PIBF1: variants seen among roughly 807,000 people sequenced by gnomAD.
The protein encoded by PIBF1 is progesterone immunomodulatory binding factor 1.
PIBF1 carries 90 observed loss-of-function variants against 112.5 expected under a neutral mutation model. The observed-to-expected ratio is 0.80, with a 90% confidence interval of 0.67 to 0.95. PIBF1 has a LOEUF of 0.95. PIBF1 is among the 40% of genes least tolerant of loss of function. The pLI is 0.00. For missense variants in PIBF1, 915 were observed against 852.3 expected (o/e 1.07, Z -0.92); for synonymous variants, 301 against 288.6 (o/e 1.04, Z -0.44).
intron 10 of PIBF1, among the ~76,000 whole-genome samples, chr13:72,859,054 T>G (rs113030509): frequency 4.6e-5 from 7 of 152,278 alleles, no homozygotes; most frequent in African/African-American, 1.7e-4. Flanking sequence ...AAACCTTTGC[T>G]TTTTTCATTG....
intron 8 of PIBF1, among the ~76,000 whole-genome samples, chr13:72,828,585 G>C (rs1331915879): frequency 1.2e-4 from 19 of 152,046 alleles, no homozygotes; most frequent in Non-Finnish European, 1.5e-5. Context: ...CTTCATCCAT[G>C]TCCCTGCAAA....
intron 2 of PIBF1, among the ~76,000 whole-genome samples, chr13:72,790,919 T>G (rs2034890116): frequency 6.6e-6 from 1 of 152,156 alleles, no homozygotes; most frequent in Admixed American, 6.5e-5. Flanking sequence ...AAGAGAATGA[T>G]GTGATCAAGG....
At chr13:72,838,927 T>G (rs543721138) in intron 9 of PIBF1, among the ~76,000 whole-genome samples, 1 of 152,252 alleles carries the variant, frequency 6.6e-6, no homozygotes, top group Non-Finnish European at 1.5e-5. Context: ...TTGAACAAAC[T>G]AATTCGGTAT....
At chr13:72,987,819 G>GT (rs1398367546) in intron 16 of PIBF1, among the ~76,000 whole-genome samples, 2 of 123,408 alleles carry the variant, frequency 1.6e-5, no homozygotes, top group South Asian at 2.6e-4. Context: ...GCCTTCTTGA[G>GT]TTTTTTTTAT....
At chr13:72,801,434 T>A (rs2035469020) in intron 5 of PIBF1, among the ~76,000 whole-genome samples, 1 of 152,174 alleles carries the variant, frequency 6.6e-6, no homozygotes, top group Admixed American at 6.5e-5. Context: ...TTTTATCATT[T>A]ACTACCATAA....
chr13:73,014,792 C>G (rs1260313813), intron 17 of PIBF1, among the ~76,000 whole-genome samples: 3 of 151,730 alleles, frequency 2.0e-5, no homozygotes, highest in African/African-American at 7.3e-5. Context: ...CTCCTGGGCC[C>G]AAGTGATTTT....
rs1463402826 is a variant in PIBF1, at chr13:72,827,715, G to T, written c.916-18G>T. The T allele has an allele frequency of 7.0e-7, 1 of 1,421,654 alleles. No individual in the cohort carries two copies. The highest frequency in any genetic ancestry group is 1.4e-5 in the African/African-American group (1 of 69,202). The allele number at this position is 1,421,654 out of a possible 1,614,324, so 88.1% of individuals were successfully genotyped here. The stretch of plus-strand genomic sequence containing the variant: ...GATGGCATCACTGTGGATACTTTTT[G>T]TTTCTACATGTATGTAGGTAGTCAC... On this transcript the variant is annotated intron_variant, in intron 7 of 17. Coordinates refer to ENST00000326291, the MANE Select transcript of PIBF1 (RefSeq NM_006346.4).
At chr13:72,785,294 TTTG>T (rs1416725711) in intron 2 of PIBF1, among the ~76,000 whole-genome samples, 2 of 152,186 alleles carry the variant, frequency 1.3e-5, no homozygotes, top group African/African-American at 4.8e-5. Context: ...ACTGAATTTG[TTTG>T]TTATTTGTCT....
At chr13:73,004,921 A>T (rs1226296884) in intron 17 of PIBF1, among the ~76,000 whole-genome samples, 2 of 151,732 alleles carry the variant, frequency 1.3e-5, no homozygotes, top group Non-Finnish European at 2.9e-5. Flanking sequence ...ACTGTGGCTC[A>T]CACCTGTAAT....
intron 11 of PIBF1, chr13:72,901,135 A>C (rs1393129734): frequency 2.4e-6 from 1 of 415,760 alleles, no homozygotes; most frequent in African/African-American, 2.1e-5. Context: ...ACAACCCACA[A>C]AGTGGGAGAA....
Position 72,795,495 on chromosome 13 carries a change from G to A in PIBF1, c.490G>A (p.Glu164Lys). ...RNLRDFELTE[E>K]QYIKLKAFPE... ...CCTGCGTGACTTTGAGTTGACAGAA[G>A]AGCAATATATTAAATTAAAAGCTTT... is the stretch of plus-strand genomic sequence containing the variant. The change falls in exon 4 of 18, where the codon GAG (glutamate) becomes AAG (lysine). Residue 164 changes from glutamate to lysine, a missense_variant. Glu to Lys is a moderately conservative substitution (Grantham distance 56). Coordinates refer to ENST00000326291, the MANE Select transcript of PIBF1 (RefSeq NM_006346.4). 6.2e-7 allele frequency: 1 copy of A among 1,608,754 alleles called. No individual in the cohort carries two copies. The highest frequency in any genetic ancestry group is 8.5e-7 in the Non-Finnish European group (1 of 1,178,082).
chr13:72,999,169 C>T (rs2043778761), intron 17 of PIBF1, among the ~76,000 whole-genome samples, 174 bp downstream of exon 17: 1 of 152,048 alleles, frequency 6.6e-6, no homozygotes, highest in African/African-American at 2.4e-5. Flanking sequence ...TATTACCTAT[C>T]TTATAGATGA....
rs745893491 is a variant in PIBF1, at chr13:72,908,676, C to T, written c.1634C>T (p.Ala545Val). 1.9e-6 allele frequency: 3 copies of T among 1,608,870 alleles called. No individual in the cohort carries two copies. Among genetic ancestry groups the T allele is most frequent in the Admixed American group, 1.7e-5 (1 of 59,208 alleles). ...CTTGATGAAATAATAATGCAAACTG[C>T]AGAAAGTAAGTCTTCCCCCACACAC... Reference protein sequence around the residue: ...KELDEIIMQTAEIENEDEAER... With the variant: ...KELDEIIMQTVEIENEDEAER... The change falls in exon 12 of 18, where the codon GCA becomes GTA. Residue 545 changes from alanine (A) to valine (V), a missense_variant. By Grantham distance (64) the Ala-to-Val change is moderately conservative. Transcript: ENST00000326291.
intron 13 of PIBF1, among the ~76,000 whole-genome samples, chr13:72,921,938 T>C (rs1369368485): frequency 6.6e-6 from 1 of 152,194 alleles, no homozygotes; most frequent in Admixed American, 6.5e-5. Flanking sequence ...TACAGAAGCC[T>C]CTTGAAATAA....
At chr13:72,999,567 A>G (rs926446545) in intron 17 of PIBF1, among the ~76,000 whole-genome samples, 2 of 152,146 alleles carry the variant, frequency 1.3e-5, no homozygotes, top group African/African-American at 4.8e-5. Flanking sequence ...ATTTTCTCTG[A>G]TATTCTGATT....
chr13:72,904,429 A>ATTTTTTTTTT (rs1240090172), intron 11 of PIBF1, among the ~76,000 whole-genome samples: 24 of 51,086 alleles, frequency 4.7e-4, no homozygotes, highest in African/African-American at 1.3e-3. Context: ...ATATCAAAAT[A>ATTTTTTTTTT]TTTCTTTTTT....
At chr13:72,989,590 C>CGCGGTGGCTCACGCCTGTA (rs2043406332) in intron 16 of PIBF1, among the ~76,000 whole-genome samples, 1 of 152,104 alleles carries the variant, frequency 6.6e-6, no homozygotes, top group African/African-American at 2.4e-5. Context: ...GTGATGGGGG[C>CGCGGTGGCTCACGCCTGTA]ATGGCAGGAT....
At chr13:72,990,751 G>A (rs2139001518) in intron 16 of PIBF1, among the ~76,000 whole-genome samples, 1 of 151,646 alleles carries the variant, frequency 6.6e-6, no homozygotes, top group African/African-American at 2.4e-5. Context: ...AGGAGACTGA[G>A]GTAGGAGAAT....
At chr13:73,005,624 A>G (rs1177736942) in intron 17 of PIBF1, among the ~76,000 whole-genome samples, 1 of 152,132 alleles carries the variant, frequency 6.6e-6, no homozygotes, top group Non-Finnish European at 1.5e-5. Flanking sequence ...GGAACGTAGC[A>G]GTTATTTATA....
Sources: allele counts gnomAD v4.1 joint callset (sites outside exome capture counted in the v4.1 genomes callset), GRCh38; gene constraint gnomAD v4.1.1; transcripts MANE v1.5; gene names NCBI Gene and HGNC (gene_info 2026-07-23, HGNC 2026-07-21).